FAM228B: variants seen among roughly 807,000 people sequenced by gnomAD.
FAM228B encodes protein FAM228B.
In FAM228B, 38 loss-of-function variants were observed where a neutral mutation model predicts 42.6. The observed-to-expected ratio is 0.89, with a 90% confidence interval of 0.69 to 1.17. The LOEUF (loss-of-function observed/expected upper bound fraction) is 1.17. FAM228B is among the 50% of genes most tolerant of loss of function. The pLI is 0.00. For missense variants in FAM228B, 344 were observed against 367.3 expected (o/e 0.94, Z 0.52); for synonymous variants, 109 against 122.3 (o/e 0.89, Z 0.72).
In FAM228B at chr2:24,084,200, C is replaced by T. The variant is rs751419566; in HGVS notation, c.-210+3245C>T. On this transcript the variant is annotated intron_variant, in intron 2 of 10. Transcript: ENST00000613899. This position sits in a 1 kb window ranked among gnomAD's most constrained non-coding sequence, Gnocchi z 8.4. ...TGAGCCCTGGGTACCTGCATTAAGT[C>T]CGCCCGGTTCAGGGCGCTGGCCGCC... 9 of 1,612,662 alleles carry T rather than the reference C, an allele frequency of 5.6e-6. No homozygotes were observed. In the Admixed American group the frequency reaches 1.2e-4, roughly 21 times the overall value.
intron 3 of FAM228B, among the ~76,000 whole-genome samples, chr2:24,101,820 C>T (rs1665614892): frequency 6.6e-6 from 1 of 152,118 alleles, no homozygotes. Context: ...GTAGCTGGGA[C>T]TACAAGCGCT....
intron 2 of FAM228B, among the ~76,000 whole-genome samples, chr2:24,086,938 A>T (rs34572936): frequency 3.6e-4 from 55 of 152,302 alleles, no homozygotes; most frequent in African/African-American, 1.3e-3. Flanking sequence ...ATCGACACTA[A>T]AACTGATTGG....
At chr2:24,083,217 C>T in intron 2 of FAM228B, 2 of 1,481,742 alleles carry the variant, frequency 1.3e-6, no homozygotes, top group Non-Finnish European at 1.8e-6. Flanking sequence ...CTACCCCTGG[C>T]CCCCCTTCCA....
intron 2 of FAM228B, among the ~76,000 whole-genome samples, chr2:24,086,166 G>A (rs1450762428): frequency 2.7e-5 from 4 of 146,358 alleles, no homozygotes; most frequent in Admixed American, 1.4e-4. Context: ...ACCCGGGAGG[G>A]GGAGCTTGCA....
At chr2:24,138,693 C>T (rs937104629) in intron 4 of FAM228B, among the ~76,000 whole-genome samples, 1 of 151,412 alleles carries the variant, frequency 6.6e-6, no homozygotes, top group African/African-American at 2.4e-5. Flanking sequence ...GTGTGGCTCA[C>T]ACCTGTAATC....
chr2:24,079,508 A>T, intron 1 of FAM228B: 1 of 1,614,144 alleles, frequency 6.2e-7, no homozygotes, highest in Non-Finnish European at 8.5e-7. Context: ...TAGCTTTGAA[A>T]ACAGGGGCCC....
intron 3 of FAM228B, among the ~76,000 whole-genome samples, chr2:24,110,118 C>T (rs1299838382): frequency 2.0e-5 from 3 of 152,194 alleles, no homozygotes; most frequent in Non-Finnish European, 4.4e-5. Context: ...AGAATGAGAT[C>T]ATGTCCTTTG....
chr2:24,084,481 C>T lies in FAM228B; in HGVS notation c.-210+3526C>T. The T allele has an allele frequency of 9.7e-7, 1 of 1,025,958 alleles. No homozygotes were observed. Among genetic ancestry groups the T allele is most frequent in the Non-Finnish European group, 1.3e-6 (1 of 754,062 alleles). The allele number at this position is 1,025,958 out of a possible 1,614,324, so 63.6% of individuals were successfully genotyped here. A position where few individuals can be genotyped will look rare whatever the true frequency, so the allele number is the denominator to read the frequency against. ...CTGGCACCGCAGCGCCCCCTGCCGG[C>T]CAGCGCCTCGCTGCCCTGGTCTGCC... On this transcript the variant is annotated intron_variant, in intron 2 of 10. Transcript: ENST00000613899. This position sits in a 1 kb window ranked among gnomAD's most constrained non-coding sequence, Gnocchi z 8.4.
chr2:24,165,420 C>T, intron 9 of FAM228B: 1 of 471,150 alleles, frequency 2.1e-6, no homozygotes, highest in South Asian at 1.5e-5. Context: ...TAGTACCAGC[C>T]CCTGTCTGCT....
chr2:24,133,503 G>A (rs1666505476), intron 2 of FAM228B, among the ~76,000 whole-genome samples: 1 of 152,056 alleles, frequency 6.6e-6, no homozygotes, highest in South Asian at 2.1e-4. Flanking sequence ...AAAAGCAGTG[G>A]GACTGAAGAC....
intron 3 of FAM228B, among the ~76,000 whole-genome samples, chr2:24,114,395 G>A (rs533015782): frequency 4.7e-4 from 72 of 152,166 alleles, no homozygotes; most frequent in Non-Finnish European, 7.1e-4. Context: ...TTCTCCAATC[G>A]TGCCCTACTT....
chr2:24,128,279 G>A (rs1396005007), intron 2 of FAM228B, among the ~76,000 whole-genome samples: 2 of 150,692 alleles, frequency 1.3e-5, no homozygotes, highest in Non-Finnish European at 1.5e-5. Context: ...TGTTGAGACG[G>A]GATCTCTCTA....
chr2:24,117,828 G>A (rs976161694), intron 3 of FAM228B, among the ~76,000 whole-genome samples: 1 of 152,168 alleles, frequency 6.6e-6, no homozygotes, highest in Admixed American at 6.5e-5. Context: ...AAGGAGTAAA[G>A]GAAACAAAAG....
intron 3 of FAM228B, among the ~76,000 whole-genome samples, chr2:24,108,260 T>C (rs1042604819): frequency 6.6e-6 from 1 of 152,080 alleles, no homozygotes; most frequent in Non-Finnish European, 1.5e-5. Context: ...TAATGAGTTC[T>C]GAAATTGAAT....
upstream of FAM228B, among the ~76,000 whole-genome samples, chr2:24,120,277 A>ACAAC (rs112720334): frequency 0.14 from 20,905 of 151,470 alleles, 1,773 homozygotes; most frequent in South Asian, 0.2. Context: ...TCAAAAAAAA[A>ACAAC]AACAACAACA....
chr2:24,156,785 C>A (rs961780016), intron 7 of FAM228B, among the ~76,000 whole-genome samples: 2,877 of 118,800 alleles, frequency 0.024, 162 homozygotes, highest in African/African-American at 0.082. Context: ...CCCCCCCCCC[C>A]CCAGCTTTTT....
At position 24,138,052 on chromosome 2, in the gene FAM228B, AAGG is replaced by A. The variant is rs1302273350; in HGVS notation, c.316_318del (p.Arg106del). ...TTTGCTCACATAAGAAGATTAAAAA[AAGG>A]AGGCAAGGGGAATTAGATGGCTTTT... is the stretch of plus-strand genomic sequence containing the variant. On this transcript the variant is annotated inframe_deletion, in exon 4 of 11. Transcript: ENST00000615575. 1.3e-6 allele frequency: 2 copies of A among 1,542,810 alleles called. No individual in the cohort carries two copies. Among genetic ancestry groups the A allele is most frequent in the Non-Finnish European group, 1.7e-6 (2 of 1,145,048 alleles).
intron 3 of FAM228B, among the ~76,000 whole-genome samples, chr2:24,110,197 A>C (rs897920925): frequency 1.3e-5 from 2 of 152,060 alleles, no homozygotes; most frequent in Non-Finnish European, 2.9e-5. Context: ...ACCAAATACC[A>C]CCTGTTCTCA....
chr2:24,136,929 T>G (rs1459219177), intron 3 of FAM228B, among the ~76,000 whole-genome samples: 3 of 152,154 alleles, frequency 2.0e-5, no homozygotes, highest in Non-Finnish European at 4.4e-5. Context: ...TCCTCATTTC[T>G]CCCTCCCCCA....
Sources: gnomAD v4.1 joint callset for allele counts (sites outside exome capture counted in the v4.1 genomes callset) on GRCh38, gnomAD v4.1.1 for gene constraint, Gnocchi (gnomAD v3.1) non-coding constraint, MANE v1.5 for transcripts, NCBI Gene and HGNC (gene_info 2026-07-23, HGNC 2026-07-21) for gene names.